PARD3: variants seen among roughly 807,000 people sequenced by gnomAD.
PARD3 encodes the protein par-3 family cell polarity regulator.
In PARD3, 75 loss-of-function variants were observed where a neutral mutation model predicts 155.4. The observed-to-expected ratio is 0.48, with a 90% CI of 0.40 to 0.58. The LOEUF is 0.58. Among genes scored for constraint, PARD3 ranks in the 20% least tolerant of loss-of-function variants. The probability of loss-of-function intolerance (pLI) is 0.00; values close to 1 mark genes in which losing one functional copy is unlikely to be tolerated. For synonymous variants in PARD3, 576 were observed against 610.5 expected (o/e 0.94, Z 0.83); for missense variants, 1,642 against 1,721.7 (o/e 0.95, Z 0.82).
intron 4 of PARD3, among the ~76,000 whole-genome samples, chr10:34,455,038 C>G (rs192503160): frequency 6.6e-6 from 1 of 152,304 alleles, no homozygotes; most frequent in East Asian, 1.9e-4. Context: ...CAAGCTTTAT[C>G]TCCCAGAAAC....
At chr10:34,722,960 A>G (rs2094632090) in intron 1 of PARD3, among the ~76,000 whole-genome samples, 1 of 152,204 alleles carries the variant, frequency 6.6e-6, no homozygotes. Context: ...GAATTGCTGA[A>G]GTTGGGTGAC....
At position 34,331,247 on chromosome 10, in the gene PARD3, C is replaced by T. The variant is rs978229324; in HGVS notation, c.2703G>A (p.Gly901=). 1.2e-6 allele frequency: 2 copies of T among 1,613,910 alleles called. No homozygotes were observed. The highest frequency in any genetic ancestry group is 1.7e-6 in the Non-Finnish European group (2 of 1,179,922). Residue 901 remains glycine (G), a synonymous_variant, in exon 19 of 25, where the codon GGG becomes GGA. Transcript: ENST00000374788. The part of the protein sequence containing the change: ...QTAVAEVTLN[G]DIPFHRPRPR... ...GCCGTGGACGATGGAAAGGAATATC[C>T]CCATTCAAAGTCACCTCGGCAACTG...
At chr10:34,463,676 G>A (rs1011653799) in intron 4 of PARD3, among the ~76,000 whole-genome samples, 3 of 151,922 alleles carry the variant, frequency 2.0e-5, no homozygotes, top group African/African-American at 7.3e-5. Context: ...GTCTGCATTC[G>A]CTTAAACAAA....
chr10:34,649,413 C>T (rs2092940034), intron 2 of PARD3, among the ~76,000 whole-genome samples: 1 of 152,248 alleles, frequency 6.6e-6, no homozygotes, highest in Non-Finnish European at 1.5e-5. Context: ...GCCTCTTGCT[C>T]CTAGGCTACA....
intron 22 of PARD3, among the ~76,000 whole-genome samples, chr10:34,226,618 C>T (rs528458968): frequency 2.0e-5 from 3 of 152,294 alleles, no homozygotes; most frequent in East Asian, 3.9e-4. Flanking sequence ...TCAAACATTG[C>T]TGGTGGGAAT....
At chr10:34,460,690 G>A (rs868526225) in intron 4 of PARD3, among the ~76,000 whole-genome samples, 8 of 151,954 alleles carry the variant, frequency 5.3e-5, no homozygotes, top group East Asian at 1.9e-4. Flanking sequence ...AAAATTAGCC[G>A]GGTGTGGTGG....
At chr10:34,189,944 G>T (rs1227846477) in intron 22 of PARD3, among the ~76,000 whole-genome samples, 1 of 152,194 alleles carries the variant, frequency 6.6e-6, no homozygotes, top group Non-Finnish European at 1.5e-5. Context: ...TTTGATGGTT[G>T]CATAATTAAG....
At chr10:34,372,709 ATGTG>A (rs141740102) in intron 11 of PARD3, among the ~76,000 whole-genome samples, 173 bp from the exon 12 acceptor site, 3,443 of 152,196 alleles carry the variant, frequency 0.023, 45 homozygotes, top group Middle Eastern at 0.051. Flanking sequence ...AATTTTGCTG[ATGTG>A]TGTGTTTATG....
At chr10:34,572,971 G>A (rs555498582) in intron 2 of PARD3, among the ~76,000 whole-genome samples, 14 of 152,148 alleles carry the variant, frequency 9.2e-5, no homozygotes, top group African/African-American at 3.4e-4. Flanking sequence ...TCTCAACGTT[G>A]TCTACCTTAC....
At chr10:34,583,833 A>G (rs1266672280) in intron 2 of PARD3, among the ~76,000 whole-genome samples, 1 of 152,226 alleles carries the variant, frequency 6.6e-6, no homozygotes, top group African/African-American at 2.4e-5. Flanking sequence ...ACAATTTTCT[A>G]TCAGTTTAAT....
intron 22 of PARD3, among the ~76,000 whole-genome samples, chr10:34,163,783 T>A (rs1949394725): frequency 6.6e-6 from 1 of 152,138 alleles, no homozygotes; most frequent in African/African-American, 2.4e-5. Flanking sequence ...GGGGAACTGC[T>A]CAGGCAGAAG....
At chr10:34,362,681 G>C (rs1259089622) in intron 12 of PARD3, among the ~76,000 whole-genome samples, 2 of 152,204 alleles carry the variant, frequency 1.3e-5, no homozygotes, top group African/African-American at 4.8e-5. Context: ...TTTCTTTAGA[G>C]ATGGGGTTTC....
chr10:34,775,604 CCAAA>C lies in PARD3; in HGVS notation c.120+39268_120+39271del, dbSNP rs751179412. 5.3e-5 allele frequency among the ~76,000 whole-genome samples: 8 copies of C among 152,210 alleles called. No homozygotes were observed. In the South Asian group the frequency reaches 1.5e-3, roughly 28 times the overall value. ...GCTGCCAGTTCAAGGTGCCCTTTGT[CCAAA>C]CAATCTACTACAAGAGATATATGCG... On this transcript the variant is annotated intron_variant, in intron 1 of 24. Coordinates refer to ENST00000374788, the MANE Select transcript of PARD3 (RefSeq NM_001184785.2).
intron 2 of PARD3, among the ~76,000 whole-genome samples, chr10:34,590,097 AC>A (rs1230405659): frequency 6.6e-6 from 1 of 152,110 alleles, no homozygotes; most frequent in Non-Finnish European, 1.5e-5. Flanking sequence ...ATATGATGAC[AC>A]CTTCTATGAA....
chr10:34,783,660 A>G (rs1294875621), intron 1 of PARD3, among the ~76,000 whole-genome samples: 1 of 151,966 alleles, frequency 6.6e-6, no homozygotes, highest in Non-Finnish European at 1.5e-5. Flanking sequence ...ATTTATAATA[A>G]AAACAAGTGA....
At chr10:34,393,416 C>A (rs2132108596) in intron 7 of PARD3, among the ~76,000 whole-genome samples, 1 of 151,888 alleles carries the variant, frequency 6.6e-6, no homozygotes, top group Admixed American at 6.6e-5. Flanking sequence ...CTCATGTCCA[C>A]AAAAAATATA....
At chr10:34,149,878 G>A (rs1387934189) in intron 22 of PARD3, among the ~76,000 whole-genome samples, 1 of 152,148 alleles carries the variant, frequency 6.6e-6, no homozygotes, top group Non-Finnish European at 1.5e-5. Context: ...TTAAACTGAT[G>A]TACAACTATA....
At chr10:34,252,088 A>C (rs1954345649) in intron 22 of PARD3, among the ~76,000 whole-genome samples, 1 of 152,198 alleles carries the variant, frequency 6.6e-6, no homozygotes, top group South Asian at 2.1e-4. Context: ...AAGAAAAAGA[A>C]GGCAGGGAAG....
chr10:34,741,174 A>T (rs934933769), intron 1 of PARD3, among the ~76,000 whole-genome samples: 140 of 114,310 alleles, frequency 1.2e-3, no homozygotes, highest in African/African-American at 4.0e-3. Context: ...CGTAAACCAA[A>T]TTTTTTTTTT....
Sources: gnomAD v4.1 joint callset for allele counts (sites outside exome capture counted in the v4.1 genomes callset) on GRCh38, gnomAD v4.1.1 for gene constraint, MANE v1.5 for transcripts, NCBI Gene and HGNC (gene_info 2026-07-23, HGNC 2026-07-21) for gene names.